ATP8A2: variants seen among roughly 807,000 people sequenced by gnomAD.
ATP8A2 encodes phospholipid-transporting ATPase IB.
In ATP8A2, 100 loss-of-function variants were observed where a neutral mutation model predicts 165.6. The observed-to-expected ratio is 0.60, with a 90% confidence interval of 0.51 to 0.71. The LOEUF is 0.71. Ranked by LOEUF, ATP8A2 falls within the 30% of genes least tolerant of loss-of-function variation. The probability of loss-of-function intolerance (pLI) is 0.00; values close to 1 mark genes in which losing one functional copy is unlikely to be tolerated. For missense variants in ATP8A2, 1,227 were observed against 1,479.5 expected (o/e 0.83, Z 2.80); for synonymous variants, 543 against 548.8 (o/e 0.99, Z 0.15).
At chr13:25,611,085 C>T (rs1238799178) in intron 24 of ATP8A2, among the ~76,000 whole-genome samples, 2 of 152,032 alleles carry the variant, frequency 1.3e-5, no homozygotes, top group East Asian at 3.8e-4. Flanking sequence ...ATCATATCAT[C>T]AGCAAACAGT....
chr13:25,593,735 C>T (rs2040157979), intron 24 of ATP8A2, among the ~76,000 whole-genome samples: 1 of 152,182 alleles, frequency 6.6e-6, no homozygotes, highest in African/African-American at 2.4e-5. Flanking sequence ...TACTGAGACT[C>T]TCACTCTTTG....
intron 30 of ATP8A2, among the ~76,000 whole-genome samples, chr13:25,852,533 T>C (rs1952033438): frequency 6.6e-6 from 1 of 152,238 alleles, no homozygotes; most frequent in Non-Finnish European, 1.5e-5. Flanking sequence ...ACCGCAGTTC[T>C]CTCCTGGATA....
intron 24 of ATP8A2, among the ~76,000 whole-genome samples, chr13:25,590,380 G>A (rs777002726): frequency 1.3e-5 from 2 of 152,144 alleles, no homozygotes; most frequent in African/African-American, 2.4e-5. Context: ...AGCCGTGATC[G>A]TGCCACTGCT....
At chr13:25,413,704 C>A (rs2034045086) in intron 1 of ATP8A2, among the ~76,000 whole-genome samples, 1 of 151,962 alleles carries the variant, frequency 6.6e-6, no homozygotes, top group Admixed American at 6.6e-5. Context: ...AATCTAGAGG[C>A]CAGAAGGGTA....
chr13:25,731,403 G>T (rs2043640036), intron 25 of ATP8A2, among the ~76,000 whole-genome samples: 1 of 151,172 alleles, frequency 6.6e-6, no homozygotes, highest in Non-Finnish European at 1.5e-5. Flanking sequence ...GGAAGAAAGA[G>T]AAAGAAAGAG....
At chr13:25,872,419 C>T (rs1219698343) in intron 33 of ATP8A2, among the ~76,000 whole-genome samples, 1 of 152,154 alleles carries the variant, frequency 6.6e-6, no homozygotes, top group Admixed American at 6.5e-5. Context: ...CCAGCTCTGC[C>T]TGAAGCTAGA....
chr13:25,709,975 AAG>A (rs1421130479), intron 25 of ATP8A2, among the ~76,000 whole-genome samples: 1 of 152,216 alleles, frequency 6.6e-6, no homozygotes, highest in East Asian at 1.9e-4. Flanking sequence ...ATCTGCTGCC[AAG>A]AGTCTTCAGG....
intron 35 of ATP8A2, among the ~76,000 whole-genome samples, chr13:25,991,765 C>A (rs1956400697): frequency 1.3e-5 from 2 of 152,148 alleles, no homozygotes; most frequent in Non-Finnish European, 2.9e-5. Flanking sequence ...ATCTGGATTT[C>A]CAGTTTTTGC....
chr13:25,935,544 T>G (rs1453716637), intron 33 of ATP8A2, among the ~76,000 whole-genome samples: 3 of 152,230 alleles, frequency 2.0e-5, no homozygotes, highest in African/African-American at 7.2e-5. Context: ...AGAAGCATGG[T>G]ACCAGCATCT....
intron 33 of ATP8A2, among the ~76,000 whole-genome samples, chr13:25,935,662 C>G (rs1954864553): frequency 1.3e-5 from 2 of 152,098 alleles, no homozygotes; most frequent in African/African-American, 2.4e-5. Context: ...GCATCACACT[C>G]CTTTAAGCAA....
chr13:25,938,805 C>T (rs1219490132), intron 33 of ATP8A2, among the ~76,000 whole-genome samples: 2 of 151,714 alleles, frequency 1.3e-5, no homozygotes, highest in Non-Finnish European at 2.9e-5. Flanking sequence ...GCAACACGTT[C>T]CAGAGACAAT....
chr13:25,949,886 G>A (rs911514393), intron 33 of ATP8A2, among the ~76,000 whole-genome samples: 11 of 151,982 alleles, frequency 7.2e-5, no homozygotes, highest in African/African-American at 1.2e-4. Context: ...TGCCGCCTCC[G>A]CCTCCCAGAA....
intron 2 of ATP8A2, among the ~76,000 whole-genome samples, chr13:25,486,063 ACTAT>A (rs1297372060): frequency 6.6e-6 from 1 of 152,188 alleles, no homozygotes; most frequent in African/African-American, 2.4e-5. Flanking sequence ...AAAGCTGGAG[ACTAT>A]CTGTTACTTG....
rs188124242 is a variant in ATP8A2 at position 26,021,675 on chromosome 13, T to C, written c.*1690T>C. Reference sequence around the variant, plus strand: ...CAGATTTTTGGATGGCCTAAATACTTGTGGGCAACTGTTACTGGTGAAAAA... The same window carrying C: ...CAGATTTTTGGATGGCCTAAATACTCGTGGGCAACTGTTACTGGTGAAAAA... On this transcript the variant is annotated 3_prime_UTR_variant, in exon 37 of 37. Transcript: ENST00000381655. 14 of 152,280 alleles carry C rather than the reference T, an allele frequency of 9.2e-5. No individual in the cohort carries two copies. Among genetic ancestry groups the C allele is most frequent in the African/African-American group, 2.9e-4 (12 of 41,562 alleles). The allele number at this position is 152,280 out of a possible 1,614,324, so 9.4% of individuals were successfully genotyped here. A position where few individuals can be genotyped will look rare whatever the true frequency, so the allele number is the denominator to read the frequency against.
rs114337094 is a variant in ATP8A2, at chr13:25,820,141, G to A, written c.2680-7977G>A. ...CAGGTACAACCCGCCGAGGTTGGAC[G>A]ATGGCAGCGGGACGTCCAGACAGGA... On this transcript the variant is annotated intron_variant, in intron 27 of 36. Coordinates refer to ENST00000381655, the MANE Select transcript of ATP8A2 (RefSeq NM_016529.6). 4.6e-3 allele frequency among the ~76,000 whole-genome samples: 696 copies of A among 152,296 alleles called. 4 individuals are homozygous for A. Among genetic ancestry groups the A allele is most frequent in the African/African-American group, 0.015 (643 of 41,556 alleles).
At chr13:25,455,576 C>A (rs577324491) in intron 1 of ATP8A2, among the ~76,000 whole-genome samples, 1 of 152,106 alleles carries the variant, frequency 6.6e-6, no homozygotes, top group Non-Finnish European at 1.5e-5. Flanking sequence ...ATATTAAAAG[C>A]CTTTCATTCA....
At chr13:25,968,549 C>A in intron 34 of ATP8A2, 26 bp from the exon 35 acceptor site, 2 of 1,596,134 alleles carry the variant, frequency 1.3e-6, no homozygotes, top group South Asian at 1.1e-5. Flanking sequence ...ATGCCATGTT[C>A]GTTTTGTCTT....
chr13:25,530,722 C>A, intron 4 of ATP8A2, 62 bp downstream of exon 4: 2 of 1,023,816 alleles, frequency 2.0e-6, no homozygotes, highest in Non-Finnish European at 2.9e-6. Context: ...TTATGTGTTG[C>A]CTCGGGTGAT....
At chr13:25,557,361 C>CT (rs914507689) in intron 13 of ATP8A2, among the ~76,000 whole-genome samples, 30 of 151,106 alleles carry the variant, frequency 2.0e-4, no homozygotes, top group African/African-American at 5.3e-4. Flanking sequence ...ATTTTTTTTT[C>CT]TTTTTTTTGG....
Sources: allele counts gnomAD v4.1 joint callset (sites outside exome capture counted in the v4.1 genomes callset), GRCh38; gene constraint gnomAD v4.1.1; transcripts MANE v1.5; gene names NCBI Gene and HGNC (gene_info 2026-07-23, HGNC 2026-07-21).